The following SKAP1 variants were observed in gnomAD, a reference collection of about 807,000 sequenced individuals.
The protein encoded by SKAP1 is src kinase-associated phosphoprotein 1.
A neutral mutation model predicts 58.5 loss-of-function variants in SKAP1; 44 were observed. The ratio of observed to expected loss-of-function variants is 0.75; its 90% CI spans 0.59 to 0.97. The LOEUF is 0.97. SKAP1 is among the 50% of genes least tolerant of loss of function. SKAP1 has a pLI of 0.00. For missense variants in SKAP1, 390 were observed against 435.2 expected (o/e 0.90, Z 0.92); for synonymous variants, 127 against 149.7 (o/e 0.85, Z 1.11).
chr17:48,306,333 A>G (rs1023165938), intron 4 of SKAP1, among the ~76,000 whole-genome samples: 6 of 152,276 alleles, frequency 3.9e-5, no homozygotes, highest in Admixed American at 2.0e-4. Flanking sequence ...TGCTTATTCT[A>G]TGAAACCTCC....
intron 1 of SKAP1, among the ~76,000 whole-genome samples, chr17:48,409,721 C>CAGG (rs1390074931): frequency 6.7e-6 from 1 of 149,296 alleles, no homozygotes; most frequent in Non-Finnish European, 1.5e-5. Flanking sequence ...AGATAGAGTT[C>CAGG]AGGAGTGGGC....
chr17:48,424,180 T>C (rs1300440150), intron 1 of SKAP1, among the ~76,000 whole-genome samples: 3 of 151,570 alleles, frequency 2.0e-5, no homozygotes, highest in Non-Finnish European at 2.9e-5. Flanking sequence ...TTTAACTGTG[T>C]CCTCACATAG....
chr17:48,379,904 G>A (rs1237169625), intron 2 of SKAP1, among the ~76,000 whole-genome samples: 1 of 152,036 alleles, frequency 6.6e-6, no homozygotes, highest in Non-Finnish European at 1.5e-5. Flanking sequence ...GGCTGGTCTC[G>A]AACACCTGAC....
chr17:48,148,724 A>G (rs2063862943), intron 11 of SKAP1, among the ~76,000 whole-genome samples: 1 of 152,168 alleles, frequency 6.6e-6, no homozygotes, highest in Non-Finnish European at 1.5e-5. Context: ...AGGTTCATCT[A>G]AAGTGCAATG....
intron 4 of SKAP1, among the ~76,000 whole-genome samples, chr17:48,199,003 T>C (rs1459306927): frequency 6.6e-6 from 1 of 152,150 alleles, no homozygotes; most frequent in Non-Finnish European, 1.5e-5. Context: ...TCCCCCTGAG[T>C]CAGATCACGA....
chr17:48,256,800 A>T (rs924071642), intron 4 of SKAP1, among the ~76,000 whole-genome samples: 31 of 152,120 alleles, frequency 2.0e-4, no homozygotes, highest in African/African-American at 7.2e-4. Context: ...TATAAATAAA[A>T]AATATTTCTA....
rs142392523 is a variant in SKAP1 at position 48,309,983 on chromosome 17, C to T, written c.280+35922G>A. The stretch of plus-strand genomic sequence containing the variant: ...ATTTGGCACCATTTTTGAGGGAAGC[C>T]TGTCTTGGTTTTGCCTGCACTTGCA... On this transcript the variant is annotated intron_variant, in intron 4 of 12. Transcript: ENST00000336915. 7.9e-5 allele frequency among the ~76,000 whole-genome samples: 12 copies of T among 152,288 alleles called. No individual in the cohort carries two copies. The East Asian group carries it at 2.3e-3, about 29-fold the overall frequency.
rs2064084131 is a variant in SKAP1 at position 48,162,570 on chromosome 17, C to T, written c.878-1G>A. The T allele has an allele frequency of 6.2e-7, 1 of 1,608,904 alleles. No individual in the cohort carries two copies. Among genetic ancestry groups the T allele is most frequent in the South Asian group, 1.1e-5 (1 of 90,542 alleles). Reference sequence around the variant, plus strand: ...CCCTGGTAGTAACTGGCATAGTCTACTGATCAAAGAGAGGAGAAATCAAAG... The same window carrying T: ...CCCTGGTAGTAACTGGCATAGTCTATTGATCAAAGAGAGGAGAAATCAAAG... On this transcript the variant is annotated splice_acceptor_variant, in intron 10 of 12. Coordinates refer to ENST00000336915, the MANE Select transcript of SKAP1 (RefSeq NM_003726.4). LOFTEE classifies it high-confidence loss of function.
At position 48,429,369 on chromosome 17, in the gene SKAP1, A is replaced by T. The variant is rs571600636; in HGVS notation, c.46+706T>A. The stretch of plus-strand genomic sequence containing the variant: ...CAGTGTGTGTTGAGTGTTGACGGGG[A>T]TGGCCGGAACTCTTTAAACCACCGC... On this transcript the variant is annotated intron_variant, in intron 1 of 12. Coordinates refer to ENST00000336915, the MANE Select transcript of SKAP1 (RefSeq NM_003726.4). Among the ~76,000 whole-genome samples the T allele has an allele frequency of 2.6e-4, 39 of 152,268 alleles. 1 individual carries two copies. The South Asian group carries it at 7.7e-3, about 30-fold the overall frequency.
intron 4 of SKAP1, among the ~76,000 whole-genome samples, chr17:48,304,934 G>A (rs1406036374): frequency 6.6e-6 from 1 of 151,836 alleles, no homozygotes; most frequent in African/African-American, 2.4e-5. Context: ...TTCTTTAATA[G>A]TAGTAATGAA....
At chr17:48,277,596 C>G (rs2065716328) in intron 4 of SKAP1, among the ~76,000 whole-genome samples, 1 of 152,012 alleles carries the variant, frequency 6.6e-6, no homozygotes, top group South Asian at 2.1e-4. Flanking sequence ...ATTAGATTAG[C>G]CATGAAAAAC....
At chr17:48,231,636 G>A (rs910063734) in intron 4 of SKAP1, among the ~76,000 whole-genome samples, 8 of 152,100 alleles carry the variant, frequency 5.3e-5, no homozygotes, top group African/African-American at 1.4e-4. Flanking sequence ...AGGGAGTAGT[G>A]GGAGTACTAG....
chr17:48,201,851 A>T (rs2064732114), intron 4 of SKAP1, among the ~76,000 whole-genome samples: 1 of 152,230 alleles, frequency 6.6e-6, no homozygotes, highest in Admixed American at 6.5e-5. Flanking sequence ...CTCTTTAGGA[A>T]ATAGCTATTG....
chr17:48,388,453 A>T (rs182232741), intron 2 of SKAP1, among the ~76,000 whole-genome samples: 38 of 152,254 alleles, frequency 2.5e-4, no homozygotes, highest in African/African-American at 8.2e-4. Flanking sequence ...ACAAACAAAC[A>T]AACAACAATA....
intron 4 of SKAP1, among the ~76,000 whole-genome samples, chr17:48,269,121 C>A (rs1204316893): frequency 1.3e-5 from 2 of 151,912 alleles, no homozygotes; most frequent in Non-Finnish European, 2.9e-5. Context: ...TAATTTGGAA[C>A]AAGATCAATT....
chr17:48,285,338 C>G (rs796526095), intron 4 of SKAP1, among the ~76,000 whole-genome samples: 1 of 152,122 alleles, frequency 6.6e-6, no homozygotes, highest in Admixed American at 6.5e-5. Context: ...GAGCCCTGGC[C>G]GGGCACTGTG....
In SKAP1 at chr17:48,328,103, T is replaced by C. The variant is rs201538602; in HGVS notation, c.280+17802A>G. 8.5e-5 allele frequency among the ~76,000 whole-genome samples: 13 copies of C among 152,296 alleles called. No homozygotes were observed. The East Asian group carries it at 2.5e-3, about 29-fold the overall frequency. ...CTGTCTGGCTTTCATCTGGGTTCCATCTCTGCTACATGTGAGATGTGTGAT... is the reference window on the plus strand; with the variant it reads ...CTGTCTGGCTTTCATCTGGGTTCCACCTCTGCTACATGTGAGATGTGTGAT... On this transcript the variant is annotated intron_variant, in intron 4 of 12. Coordinates refer to ENST00000336915, the MANE Select transcript of SKAP1 (RefSeq NM_003726.4).
chr17:48,222,901 T>C (rs2065020940), intron 4 of SKAP1, among the ~76,000 whole-genome samples: 1 of 150,196 alleles, frequency 6.7e-6, no homozygotes, highest in African/African-American at 2.4e-5. Context: ...CCATCTCTAC[T>C]AAAAATACAA....
intron 4 of SKAP1, chr17:48,344,182 TA>T (rs983486433): frequency 5.3e-5 from 18 of 339,706 alleles, no homozygotes; most frequent in Non-Finnish European, 7.1e-5. Context: ...AACTGCTATT[TA>T]AAAAAAATTA....
Sources: gnomAD v4.1 joint callset for allele counts (sites outside exome capture counted in the v4.1 genomes callset) on GRCh38, gnomAD v4.1.1 for gene constraint, MANE v1.5 for transcripts, NCBI Gene and HGNC (gene_info 2026-07-23, HGNC 2026-07-21) for gene names.